The following ZFHX3 variants were observed in gnomAD, a reference collection of about 807,000 sequenced individuals.
ZFHX3 encodes zinc finger homeobox 3, also known as zinc finger homeobox protein 3.
A neutral mutation model predicts 279.1 loss-of-function variants in ZFHX3; 42 were observed. That is an observed-to-expected ratio of 0.15 (90% CI 0.12 to 0.19). The LOEUF is 0.19. Ranked by LOEUF, ZFHX3 falls within the 10% of genes least tolerant of loss-of-function variation. The pLI is 1.00. For missense variants in ZFHX3, 4,981 were observed against 4,754.0 expected (o/e 1.05, Z -1.40); for synonymous variants, 2,293 against 1,957.8 (o/e 1.17, Z -4.52).
intron 3 of ZFHX3, among the ~76,000 whole-genome samples, chr16:73,416,644 C>A (rs529949193): frequency 1.3e-5 from 2 of 152,060 alleles, no homozygotes; most frequent in Non-Finnish European, 2.9e-5. Flanking sequence ...GAGGCCGAGG[C>A]GGGTGGACCA....
intron 2 of ZFHX3, among the ~76,000 whole-genome samples, chr16:73,539,567 T>A (rs527824849): frequency 9.9e-5 from 15 of 150,760 alleles, no homozygotes; most frequent in Admixed American, 2.0e-4. Context: ...CAAAGCAGCA[T>A]GCCAGCAACA....
intron 3 of ZFHX3, among the ~76,000 whole-genome samples, chr16:73,396,630 A>C (rs2017134839): frequency 6.6e-6 from 1 of 152,158 alleles, no homozygotes; most frequent in Admixed American, 6.5e-5. Flanking sequence ...GGAGAGAGAG[A>C]GACAGAAGGG....
intron 5 of ZFHX3, among the ~76,000 whole-genome samples, chr16:73,199,261 T>C (rs1392425018): frequency 6.6e-6 from 1 of 152,194 alleles, no homozygotes; most frequent in Non-Finnish European, 1.5e-5. Flanking sequence ...CACTTAGGTA[T>C]CCAGAGTACA....
intron 2 of ZFHX3, among the ~76,000 whole-genome samples, chr16:73,640,515 G>A (rs114969666): frequency 2.3e-3 from 344 of 152,172 alleles, no homozygotes; most frequent in African/African-American, 7.9e-3. Flanking sequence ...GGTAACAGAG[G>A]ACATTGCCTC....
intron 1 of ZFHX3, among the ~76,000 whole-genome samples, chr16:73,683,620 C>G (rs1463936912): frequency 6.6e-6 from 1 of 151,954 alleles, no homozygotes; most frequent in South Asian, 2.1e-4. Flanking sequence ...CGGCTCACTG[C>G]AACCTCTGCC....
intron 1 of ZFHX3, among the ~76,000 whole-genome samples, chr16:72,961,045 G>C (rs1471817174): frequency 1.3e-5 from 2 of 152,102 alleles, no homozygotes; most frequent in African/African-American, 2.4e-5. Context: ...CTAAAACTAC[G>C]TAGGTGCAAA....
intron 5 of ZFHX3, among the ~76,000 whole-genome samples, chr16:73,178,155 T>G (rs1353346638): frequency 6.6e-6 from 1 of 152,090 alleles, no homozygotes; most frequent in Non-Finnish European, 1.5e-5. Flanking sequence ...GGATGACTTT[T>G]TCTTTTTTTT....
At chr16:73,406,662 T>G (rs1448702979) in intron 3 of ZFHX3, among the ~76,000 whole-genome samples, 1 of 152,146 alleles carries the variant, frequency 6.6e-6, no homozygotes, top group Non-Finnish European at 1.5e-5. Flanking sequence ...TAAAATACTC[T>G]CCTGCCCAAA....
intron 5 of ZFHX3, among the ~76,000 whole-genome samples, chr16:73,253,877 G>A (rs1292984622): frequency 6.6e-6 from 1 of 152,108 alleles, no homozygotes; most frequent in Non-Finnish European, 1.5e-5. Flanking sequence ...AGGAGTTAAG[G>A]TCCTTAAAAG....
rs573941307 is a variant in ZFHX3, at chr16:73,598,579, G to A, written c.-1547+81601C>T. Among the ~76,000 whole-genome samples, 6 of 151,564 alleles carry A rather than the reference G, an allele frequency of 4.0e-5. No homozygotes were observed. The East Asian group carries it at 7.8e-4, about 20-fold the overall frequency. On this transcript the variant is annotated intron_variant, in intron 2 of 17. Transcript: ENST00000641206. ...ACCACAAGCACGCATCGCCACGCCCGACCAATTTTTAAAATTTTTTTGTAG... is the reference window on the plus strand; with the variant it reads ...ACCACAAGCACGCATCGCCACGCCCAACCAATTTTTAAAATTTTTTTGTAG...
At chr16:73,507,997 C>G (rs549667330) in intron 2 of ZFHX3, among the ~76,000 whole-genome samples, 1 of 152,288 alleles carries the variant, frequency 6.6e-6, no homozygotes, top group African/African-American at 2.4e-5. Context: ...ATGTGTGATC[C>G]TCTTGAAAAT....
chr16:73,689,480 G>T (rs188698804), intron 1 of ZFHX3, among the ~76,000 whole-genome samples: 1 of 152,182 alleles, frequency 6.6e-6, no homozygotes. Context: ...AGCAGCCCAG[G>T]CTCCATTCAG....
At chr16:72,994,215 G>C (rs1963196887) in intron 1 of ZFHX3, among the ~76,000 whole-genome samples, 1 of 152,090 alleles carries the variant, frequency 6.6e-6, no homozygotes. Flanking sequence ...TGCCTACCAG[G>C]TCATCTTTAT....
Position 73,436,192 on chromosome 16 carries a change from A to G in ZFHX3, c.-1291+19811T>C, listed in dbSNP as rs568368298. ...AAAAAATAGCTGGCCATGGTGGCAC[A>G]TGCCTGTAATCCCAGCTGCTTGGGA... is the stretch of plus-strand genomic sequence containing the variant. On this transcript the variant is annotated intron_variant, in intron 3 of 17. Transcript: ENST00000641206. 2.1e-4 allele frequency among the ~76,000 whole-genome samples: 32 copies of G among 152,290 alleles called. No homozygotes were observed. In the South Asian group the frequency reaches 6.4e-3, roughly 31 times the overall value.
At chr16:72,951,334 C>T (rs1373884121) in intron 2 of ZFHX3, among the ~76,000 whole-genome samples, 9 of 151,910 alleles carry the variant, frequency 5.9e-5, no homozygotes, top group Non-Finnish European at 1.2e-4. Flanking sequence ...AATCTCAGCT[C>T]ACGGCAACCT....
At chr16:73,272,382 G>A (rs763580719) in intron 4 of ZFHX3, among the ~76,000 whole-genome samples, 19 of 152,128 alleles carry the variant, frequency 1.2e-4, no homozygotes, top group Non-Finnish European at 2.4e-4. Context: ...AAAAACAGCT[G>A]TATATAAAAT....
chr16:73,097,471 A>T (rs923512772), intron 7 of ZFHX3, among the ~76,000 whole-genome samples: 2 of 152,170 alleles, frequency 1.3e-5, no homozygotes, highest in Non-Finnish European at 2.9e-5. Context: ...AGCTTTCATG[A>T]CTTTTCAACT....
At chr16:73,159,214 A>C (rs1967168065) in intron 5 of ZFHX3, among the ~76,000 whole-genome samples, 1 of 152,356 alleles carries the variant, frequency 6.6e-6, no homozygotes, top group African/African-American at 2.4e-5. Flanking sequence ...ATCTATAAGG[A>C]ACTTAAACAA....
intron 2 of ZFHX3, among the ~76,000 whole-genome samples, chr16:73,635,446 G>A (rs1289407964): frequency 6.6e-6 from 1 of 152,176 alleles, no homozygotes; most frequent in Non-Finnish European, 1.5e-5. Flanking sequence ...ACACACGTAT[G>A]CACCCACATG....
Sources: gnomAD v4.1 joint callset for allele counts (sites outside exome capture counted in the v4.1 genomes callset) on GRCh38, gnomAD v4.1.1 for gene constraint, MANE v1.5 for transcripts, NCBI Gene and HGNC (gene_info 2026-07-23, HGNC 2026-07-21) for gene names.